MYLK3: variants seen among roughly 807,000 people sequenced by gnomAD.
MYLK3 encodes the protein myosin light chain kinase 3.
A neutral mutation model predicts 76.3 loss-of-function variants in MYLK3; 55 were observed. The observed-to-expected ratio is 0.72, with a 90% CI of 0.58 to 0.90. The LOEUF (loss-of-function observed/expected upper bound fraction) is 0.90. Among genes scored for constraint, MYLK3 ranks in the 40% least tolerant of loss-of-function variants. The pLI is 0.00. For synonymous variants in MYLK3, 416 were observed against 425.4 expected (o/e 0.98, Z 0.27); for missense variants, 973 against 1,053.6 (o/e 0.92, Z 1.06).
Position 46,748,338 on chromosome 16 carries a change from G to A in MYLK3, c.-145C>T, listed in dbSNP as rs1212752899. 2.3e-5 allele frequency: 32 copies of A among 1,402,476 alleles called. No individual in the cohort carries two copies. Among genetic ancestry groups the A allele is most frequent in the Non-Finnish European group, 2.8e-5 (30 of 1,070,718 alleles). 86.9% of individuals were successfully genotyped at this position (1,402,476 alleles called of 1,614,324 possible). A position where few individuals can be genotyped will look rare whatever the true frequency, so the allele number is the denominator to read the frequency against. On this transcript the variant is annotated 5_prime_UTR_variant, in exon 1 of 13. Coordinates refer to ENST00000394809, the MANE Select transcript of MYLK3 (RefSeq NM_182493.3). The surrounding 1 kb of genome is among the most constrained non-coding windows in gnomAD (Gnocchi z 4.3). ...AGCACCAACCTCCACGATGGCCTGG[G>A]CTGTGTGAGGAGCGCAGAGGCCCAG...
intron 8 of MYLK3, among the ~76,000 whole-genome samples, chr16:46,722,778 C>T (rs1478362328): frequency 6.6e-6 from 1 of 152,198 alleles, no homozygotes; most frequent in East Asian, 1.9e-4. Flanking sequence ...GACACGATCT[C>T]GGCTCACTGC....
At chr16:46,726,976 T>G (rs550295873) in intron 8 of MYLK3, 82 of 335,696 alleles carry the variant, frequency 2.4e-4, no homozygotes, top group Non-Finnish European at 4.0e-4. Flanking sequence ...AAAAGTAATC[T>G]TAAAGATATT....
intron 1 of MYLK3, among the ~76,000 whole-genome samples, chr16:46,740,411 T>G (rs1156502538): frequency 6.6e-6 from 1 of 151,656 alleles, no homozygotes; most frequent in Non-Finnish European, 1.5e-5. Flanking sequence ...CTTCACCATA[T>G]TCCCCATAAG....
rs1966596078 is a variant in MYLK3 at position 46,703,462 on chromosome 16, A to G, written c.*4242T>C. The G allele has an allele frequency of 6.6e-6, 1 of 152,202 alleles. No homozygotes were observed. The highest frequency in any genetic ancestry group is 2.4e-5 in the African/African-American group (1 of 41,456). The allele number at this position is 152,202 out of a possible 1,614,324, so 9.4% of individuals were successfully genotyped here. On this transcript the variant is annotated 3_prime_UTR_variant, in exon 13 of 13. Coordinates refer to ENST00000394809, the MANE Select transcript of MYLK3 (RefSeq NM_182493.3). The stretch of plus-strand genomic sequence containing the variant: ...TTCCCCACAGCCTCACCAATTCTTC[A>G]CCAATCTGACAGGTGGAAAAAGTGT...
intron 1 of MYLK3, among the ~76,000 whole-genome samples, chr16:46,762,142 G>A (rs1349235041): frequency 6.6e-6 from 1 of 152,132 alleles, no homozygotes; most frequent in African/African-American, 2.4e-5. Flanking sequence ...CCTGCTGCAG[G>A]CAAAAAGGCA....
At chr16:46,722,323 C>T (rs1415296746) in intron 8 of MYLK3, among the ~76,000 whole-genome samples, 1 of 152,180 alleles carries the variant, frequency 6.6e-6, no homozygotes, top group Admixed American at 6.5e-5. Flanking sequence ...TGTCTCCATA[C>T]GTAAAACGGG....
chr16:46,726,729 G>GAAAGAAAGA (rs1966842970), intron 8 of MYLK3: 1 of 131,386 alleles, frequency 7.6e-6, no homozygotes, highest in African/African-American at 2.7e-5. Context: ...AAGAAAGAAA[G>GAAAGAAAGA]AAAGAAAAGA....
intron 8 of MYLK3, among the ~76,000 whole-genome samples, chr16:46,724,389 T>G (rs964627046): frequency 3.3e-5 from 5 of 152,216 alleles, no homozygotes; most frequent in African/African-American, 1.2e-4. Context: ...TCATAAGGAT[T>G]TATTACTATG....
chr16:46,722,182 G>A (rs1054547688), intron 8 of MYLK3, among the ~76,000 whole-genome samples: 2 of 152,124 alleles, frequency 1.3e-5, no homozygotes, highest in Non-Finnish European at 1.5e-5. Flanking sequence ...CTTGGGGAGA[G>A]AAGCTGAGTG....
chr16:46,716,379 GTA>G lies in MYLK3; in HGVS notation c.1986-3605_1986-3604del, dbSNP rs111606823. ...AGCCCGCATATATATATATGTATAT[GTA>G]TATATATATAGCCCACATATATATG... On this transcript the variant is annotated intron_variant, in intron 9 of 12. Coordinates refer to ENST00000394809, the MANE Select transcript of MYLK3 (RefSeq NM_182493.3). Among the ~76,000 whole-genome samples the G allele has an allele frequency of 5.4e-5, 8 of 149,254 alleles. No individual in the cohort carries two copies. The South Asian group carries it at 1.1e-3, about 20-fold the overall frequency.
chr16:46,757,642 G>A (rs925951773), intron 1 of MYLK3: 18 of 976,094 alleles, frequency 1.8e-5, no homozygotes, highest in Non-Finnish European at 2.1e-5. Flanking sequence ...TCAGGCAGGA[G>A]CGATAAGCCT....
intron 2 of MYLK3, among the ~76,000 whole-genome samples, chr16:46,738,467 G>A (rs1213238035): frequency 2.6e-5 from 4 of 152,246 alleles, no homozygotes; most frequent in Admixed American, 1.3e-4. Context: ...GGGAGGCTGA[G>A]GCAGGAGGAT....
chr16:46,739,967 G>A (rs530161476), intron 2 of MYLK3, 90 bp downstream of exon 2: 117 of 908,254 alleles, frequency 1.3e-4, no homozygotes, highest in Non-Finnish European at 1.9e-4. Context: ...CAGTTGCCCA[G>A]GAATCATACT....
chr16:46,740,054 C>T lies in MYLK3; in HGVS notation c.568+3G>A, dbSNP rs375230739. The T allele has an allele frequency of 1.6e-4, 261 of 1,608,822 alleles. 1 individual carries two copies. The highest frequency in any genetic ancestry group is 2.2e-4 in the Non-Finnish European group (256 of 1,176,594). On this transcript the variant is annotated splice_donor_region_variant and intron_variant, in intron 2 of 12. Coordinates refer to ENST00000394809, the MANE Select transcript of MYLK3 (RefSeq NM_182493.3). ...TAGATAAAGCAAATGGGGTCCCACT[C>T]ACCTTCCCCAGGCTCCCTGGCATCA...
chr16:46,755,041 G>A (rs371669433), intron 1 of MYLK3, among the ~76,000 whole-genome samples: 6 of 152,058 alleles, frequency 3.9e-5, no homozygotes, highest in East Asian at 1.9e-4. Flanking sequence ...GACTATGGGC[G>A]TGTGCCACTA....
At chr16:46,714,862 C>T (rs1362597794) in intron 9 of MYLK3, among the ~76,000 whole-genome samples, 3 of 152,164 alleles carry the variant, frequency 2.0e-5, no homozygotes, top group Admixed American at 6.6e-5. Context: ...TCTAGATCAG[C>T]GACTCCCAGT....
chr16:46,748,358 G>T, upstream of MYLK3: 2 of 1,292,782 alleles, frequency 1.5e-6, no homozygotes, highest in Non-Finnish European at 2.1e-6. This position sits in a 1 kb window ranked among gnomAD's most constrained non-coding sequence, Gnocchi z 4.3. Context: ...GAGCGCAGAG[G>T]CCCAGGTTCT....
intron 1 of MYLK3, among the ~76,000 whole-genome samples, chr16:46,741,619 C>G (rs1017866652): frequency 2.6e-5 from 4 of 151,976 alleles, no homozygotes; most frequent in Non-Finnish European, 4.4e-5. Flanking sequence ...AGTCTCCGGG[C>G]TTCTGTGGCC....
At chr16:46,736,084 T>A (rs2143015561) in intron 3 of MYLK3, among the ~76,000 whole-genome samples, 1 of 152,308 alleles carries the variant, frequency 6.6e-6, no homozygotes, top group African/African-American at 2.4e-5. Flanking sequence ...CATAACTCAC[T>A]ACAGCCTCAA....
Sources: gnomAD v4.1 joint callset for allele counts (sites outside exome capture counted in the v4.1 genomes callset) on GRCh38, gnomAD v4.1.1 for gene constraint, Gnocchi (gnomAD v3.1) non-coding constraint, MANE v1.5 for transcripts, NCBI Gene and HGNC (gene_info 2026-07-23, HGNC 2026-07-21) for gene names.